The following OPCML variants were observed in gnomAD, a reference collection of about 807,000 sequenced individuals.
OPCML encodes opioid-binding protein/cell adhesion molecule.
OPCML carries 13 observed loss-of-function variants against 37.8 expected under a neutral mutation model. The ratio of observed to expected loss-of-function variants is 0.34; its 90% CI spans 0.22 to 0.55. OPCML has a LOEUF of 0.55. OPCML is among the 20% of genes least tolerant of loss of function. The pLI is 0.91. For missense variants in OPCML, 341 were observed against 435.6 expected, an observed-to-expected ratio of 0.78 and a Z score of 1.93; for synonymous variants, 176 against 168.8, an observed-to-expected ratio of 1.04 and a Z score of -0.33.
At chr11:133,110,942 G>A (rs765663680) in intron 1 of OPCML, among the ~76,000 whole-genome samples, 1 of 151,996 alleles carries the variant, frequency 6.6e-6, no homozygotes, top group Non-Finnish European at 1.5e-5. Context: ...AAACCTTTCT[G>A]GTCCTTTGTT....
chr11:133,372,162 A>T (rs1414125244), intron 1 of OPCML, among the ~76,000 whole-genome samples: 1 of 152,200 alleles, frequency 6.6e-6, no homozygotes, highest in Admixed American at 6.5e-5. Flanking sequence ...ATTTCAAAGT[A>T]GCTAGAAAAG....
Position 133,004,876 on chromosome 11 carries a change from G to A in OPCML, c.62-61866C>T, listed in dbSNP as rs73588523. Reference sequence around the variant, plus strand: ...CCAAGACAGAAATCAACGAGCTGTGGTGTCTAGGTCCACTGTATCCCTCAC... The same window carrying A: ...CCAAGACAGAAATCAACGAGCTGTGATGTCTAGGTCCACTGTATCCCTCAC... On this transcript the variant is annotated intron_variant, in intron 1 of 7. Coordinates refer to ENST00000524381, the MANE Select transcript of OPCML (RefSeq NM_001012393.5). 3,148 of 985,350 alleles carry A rather than the reference G, an allele frequency of 3.2e-3. 65 individuals are homozygous for A. In the African/African-American group the frequency reaches 0.051, roughly 16 times the overall value. 61.0% of individuals were successfully genotyped at this position (985,350 alleles called of 1,614,324 possible).
At position 132,579,385 on chromosome 11, in the gene OPCML, A is replaced by ATGTGTGTGTG. The variant is rs66467384; in HGVS notation, c.380-50209_380-50200dup. On this transcript the variant is annotated intron_variant, in intron 3 of 7. Coordinates refer to ENST00000524381, the MANE Select transcript of OPCML (RefSeq NM_001012393.5). ...AGGAGACAGGGAAGTTAGAATGAAT[A>ATGTGTGTGTG]TGTGTGTGTGTGTGTGTGTGTGTGT... is the stretch of plus-strand genomic sequence containing the variant. Among the ~76,000 whole-genome samples the ATGTGTGTGTG allele has an allele frequency of 1.6e-3, 233 of 146,624 alleles. 1 individual carries two copies. The highest frequency in any genetic ancestry group is 6.1e-3 in the South Asian group (27 of 4,436).
At chr11:133,472,546 G>A (rs1292520083) in intron 1 of OPCML, among the ~76,000 whole-genome samples, 1 of 151,640 alleles carries the variant, frequency 6.6e-6, no homozygotes, top group African/African-American at 2.4e-5. Flanking sequence ...ATTCTGCTTG[G>A]CTGAGAGCTG....
At chr11:132,913,352 TTAAC>T (rs1362371421) in intron 2 of OPCML, among the ~76,000 whole-genome samples, 1 of 152,222 alleles carries the variant, frequency 6.6e-6, no homozygotes, top group Non-Finnish European at 1.5e-5. Context: ...AGGAAATCAA[TTAAC>T]TAGTATTTAA....
At chr11:132,463,334 G>C (rs1482879943) in intron 4 of OPCML, among the ~76,000 whole-genome samples, 3 of 152,146 alleles carry the variant, frequency 2.0e-5, no homozygotes, top group African/African-American at 7.2e-5. Flanking sequence ...CAGATGAAAG[G>C]GCTGAGTTCT....
rs199674839 is a variant in OPCML at position 133,174,744 on chromosome 11, ATCTC to A, written c.62-231738_62-231735del. Among the ~76,000 whole-genome samples, 272 of 151,090 alleles carry A rather than the reference ATCTC, an allele frequency of 1.8e-3. 3 individuals carry two copies. The highest frequency in any genetic ancestry group is 4.1e-3 in the East Asian group (21 of 5,150). On this transcript the variant is annotated intron_variant, in intron 1 of 7. Coordinates refer to ENST00000524381, the MANE Select transcript of OPCML (RefSeq NM_001012393.5). This position sits in a 1 kb window ranked among gnomAD's most constrained non-coding sequence, Gnocchi z 4.6. ...TTTATGTTTGCCTATCTATATTTTC[ATCTC>A]TCTGACTGTTTTAGTCATTCAACTC... is the stretch of plus-strand genomic sequence containing the variant.
At chr11:132,728,468 A>G (rs1268489861) in intron 2 of OPCML, among the ~76,000 whole-genome samples, 1 of 152,200 alleles carries the variant, frequency 6.6e-6, no homozygotes, top group Non-Finnish European at 1.5e-5. Context: ...AAGATAACAT[A>G]CAATAATAAA....
rs372399580 is a variant in OPCML, at chr11:132,475,691, G to GA, written c.506-38333dup. On this transcript the variant is annotated intron_variant, in intron 4 of 7. Coordinates refer to ENST00000524381, the MANE Select transcript of OPCML (RefSeq NM_001012393.5). ...TTGAACTTCCAGCCTCCAGAAACGT[G>GA]AAAAAAAAAAATATTTCTGTTGTTT... Among the ~76,000 whole-genome samples the GA allele has an allele frequency of 2.3e-3, 345 of 146,900 alleles. 1 individual carries two copies. Among genetic ancestry groups the GA allele is most frequent in the African/African-American group, 3.6e-3 (145 of 40,312 alleles).
intron 2 of OPCML, among the ~76,000 whole-genome samples, chr11:132,894,894 G>T (rs1339038992): frequency 6.6e-6 from 1 of 152,302 alleles, no homozygotes; most frequent in East Asian, 1.9e-4. Flanking sequence ...TCCCCAGCAT[G>T]TAGATGGCTG....
rs562976099 is a variant in OPCML at position 133,094,416 on chromosome 11, T to C, written c.62-151406A>G. On this transcript the variant is annotated intron_variant, in intron 1 of 7. Coordinates refer to ENST00000524381, the MANE Select transcript of OPCML (RefSeq NM_001012393.5). ...TTTTCAAGTCTACGACCCATGATGATCCCTTAAAGAGCCATAGTCAACCTT... is the reference window on the plus strand; with the variant it reads ...TTTTCAAGTCTACGACCCATGATGACCCCTTAAAGAGCCATAGTCAACCTT... 7.9e-5 allele frequency among the ~76,000 whole-genome samples: 12 copies of C among 152,266 alleles called. No individual in the cohort carries two copies. The South Asian group carries it at 2.5e-3, about 32-fold the overall frequency.
chr11:132,558,121 C>A (rs1020943564), intron 3 of OPCML, among the ~76,000 whole-genome samples: 11 of 152,030 alleles, frequency 7.2e-5, no homozygotes, highest in African/African-American at 2.7e-4. Context: ...TTCTTTCTCC[C>A]TTTCCTATAT....
At chr11:133,044,263 G>C (rs563963222) in intron 1 of OPCML, among the ~76,000 whole-genome samples, 1 of 152,278 alleles carries the variant, frequency 6.6e-6, no homozygotes, top group South Asian at 2.1e-4. Context: ...CTAGAGAAAG[G>C]GGTAAAAGAT....
chr11:133,532,160 T>G, intron 1 of OPCML, 104 bp downstream of exon 1: 2 of 1,530,186 alleles, frequency 1.3e-6, no homozygotes, highest in Non-Finnish European at 1.8e-6. Context: ...ACACTCCCTG[T>G]CCTCACCCCT....
intron 4 of OPCML, among the ~76,000 whole-genome samples, chr11:132,479,306 G>T (rs569901525): frequency 1.3e-5 from 2 of 151,930 alleles, no homozygotes; most frequent in South Asian, 4.2e-4. Context: ...CAAATACTGC[G>T]CTTTTCCGAC....
intron 1 of OPCML, chr11:133,008,129 C>A (rs1254410646): frequency 2.4e-5 from 24 of 985,290 alleles, no homozygotes; most frequent in African/African-American, 1.4e-4. Context: ...GTTCTCCAAG[C>A]CTCTTGGGCA....
intron 1 of OPCML, among the ~76,000 whole-genome samples, chr11:133,080,268 TTG>T (rs999995560): frequency 1.3e-5 from 2 of 152,134 alleles, no homozygotes; most frequent in Admixed American, 1.3e-4. Flanking sequence ...CCATGCGGTC[TTG>T]TGAGAATGTG....
At chr11:132,665,991 G>A (rs1490489171) in intron 2 of OPCML, among the ~76,000 whole-genome samples, 1 of 152,124 alleles carries the variant, frequency 6.6e-6, no homozygotes, top group Admixed American at 6.5e-5. Context: ...CAGACACTGT[G>A]TCAGGCCTTA....
At chr11:132,441,079 A>G (rs1362722932) in intron 4 of OPCML, among the ~76,000 whole-genome samples, 4 of 151,900 alleles carry the variant, frequency 2.6e-5, no homozygotes, top group Non-Finnish European at 5.9e-5. Flanking sequence ...GGGAGGAGGA[A>G]GGAAAGAAAG....
Sources: allele counts gnomAD v4.1 joint callset (sites outside exome capture counted in the v4.1 genomes callset), GRCh38; gene constraint gnomAD v4.1.1; non-coding constraint Gnocchi (gnomAD v3.1); transcripts MANE v1.5; gene names NCBI Gene and HGNC (gene_info 2026-07-23, HGNC 2026-07-21).